Variants in UNC13C observed in about 807,000 individuals in gnomAD.
The protein encoded by UNC13C is unc-13 homolog C, also known as protein unc-13 homolog C.
In UNC13C, 174 loss-of-function variants were observed where a neutral mutation model predicts 245.4. The ratio of observed to expected loss-of-function variants is 0.71; its 90% confidence interval spans 0.63 to 0.80. UNC13C has a LOEUF of 0.80. Ranked by LOEUF, UNC13C falls within the 30% of genes least tolerant of loss-of-function variation. The pLI is 0.00. For missense variants in UNC13C, 2,829 were observed against 2,602.9 expected, an observed-to-expected ratio of 1.09 and a Z score of -1.89; for synonymous variants, 992 against 895.1, an observed-to-expected ratio of 1.11 and a Z score of -1.93.
chr15:54,265,522 C>A (rs1228512142), intron 10 of UNC13C, 26 bp downstream of exon 10: 2 of 1,430,948 alleles, frequency 1.4e-6, no homozygotes, highest in African/African-American at 1.4e-5. Context: ...GAAACCTTTA[C>A]AAATATTAAA....
At chr15:54,481,312 G>A (rs1377512066) in intron 19 of UNC13C, among the ~76,000 whole-genome samples, 1 of 152,128 alleles carries the variant, frequency 6.6e-6, no homozygotes, top group Non-Finnish European at 1.5e-5. Context: ...AGTGGTGCAT[G>A]CTGGAGCCAG....
At chr15:54,279,470 T>C (rs1329080130) in intron 10 of UNC13C, among the ~76,000 whole-genome samples, 1 of 152,222 alleles carries the variant, frequency 6.6e-6, no homozygotes, top group African/African-American at 2.4e-5. Flanking sequence ...TGTTTACTTT[T>C]GTGATTGCCT....
chr15:54,460,116 G>T (rs1891755065), intron 19 of UNC13C, among the ~76,000 whole-genome samples: 1 of 152,130 alleles, frequency 6.6e-6, no homozygotes, highest in African/African-American at 2.4e-5. Flanking sequence ...TCTCCCCCTA[G>T]GAATGGGGCT....
At chr15:54,336,789 G>A (rs2038588109) in intron 16 of UNC13C, among the ~76,000 whole-genome samples, 1 of 152,040 alleles carries the variant, frequency 6.6e-6, no homozygotes, top group Admixed American at 6.6e-5. Context: ...GACCATATAT[G>A]TATGGGTCTA....
chr15:54,236,311 T>C (rs2035698499), intron 5 of UNC13C, 119 bp from the exon 6 acceptor site: 1 of 759,176 alleles, frequency 1.3e-6, no homozygotes, highest in Admixed American at 2.2e-5. Flanking sequence ...AATTTCTGTC[T>C]TCACTATGTG....
the UNC13C span, among the ~76,000 whole-genome samples, chr15:53,969,456 GA>G: frequency 6.6e-6 from 1 of 152,070 alleles, no homozygotes; most frequent in Admixed American, 6.6e-5. Context: ...GCTGAGGCAG[GA>G]GGATTTCTTA....
the UNC13C span, among the ~76,000 whole-genome samples, chr15:53,881,034 G>T: frequency 1.3e-5 from 2 of 152,150 alleles, no homozygotes; most frequent in Non-Finnish European, 2.9e-5. Context: ...CTTGTCAAAT[G>T]CATCACAGTC....
intron 17 of UNC13C, among the ~76,000 whole-genome samples, chr15:54,372,827 A>G (rs1397426922): frequency 1.3e-5 from 2 of 152,230 alleles, no homozygotes; most frequent in Non-Finnish European, 2.9e-5. Flanking sequence ...AGCATTCTAT[A>G]CCTGCATTGC....
chr15:54,464,115 C>A (rs934848923), intron 19 of UNC13C, among the ~76,000 whole-genome samples: 1 of 152,122 alleles, frequency 6.6e-6, no homozygotes, highest in Non-Finnish European at 1.5e-5. Flanking sequence ...TTAAAAGTGC[C>A]TAGTTCTCCA....
At chr15:53,881,982 C>T in the UNC13C span, among the ~76,000 whole-genome samples, 1 of 152,042 alleles carries the variant, frequency 6.6e-6, no homozygotes, top group Non-Finnish European at 1.5e-5. Flanking sequence ...AAAAGAAAGG[C>T]CAGAAACAAG....
chr15:53,853,532 A>G, the UNC13C span, among the ~76,000 whole-genome samples: 1 of 152,116 alleles, frequency 6.6e-6, no homozygotes, highest in Non-Finnish European at 1.5e-5. Context: ...AATGGGTTAA[A>G]TGGTATTTCG....
At chr15:53,845,342 A>T in the UNC13C span, among the ~76,000 whole-genome samples, 1 of 147,250 alleles carries the variant, frequency 6.8e-6, no homozygotes, top group Non-Finnish European at 1.5e-5. Flanking sequence ...AAAAAAAATT[A>T]TAACAGAATG....
At chr15:54,436,762 A>G (rs182702654) in intron 19 of UNC13C, among the ~76,000 whole-genome samples, 1 of 152,012 alleles carries the variant, frequency 6.6e-6, no homozygotes, top group African/African-American at 2.4e-5. Flanking sequence ...GCAAACCACC[A>G]TGGCACGTGT....
intron 1 of UNC13C, among the ~76,000 whole-genome samples, chr15:54,000,991 G>A (rs561501647): frequency 1.3e-5 from 2 of 152,066 alleles, no homozygotes; most frequent in South Asian, 2.1e-4. Flanking sequence ...TTACTCTTTC[G>A]TAATGTGTGA....
intron 2 of UNC13C, among the ~76,000 whole-genome samples, chr15:54,069,225 C>G (rs1308635317): frequency 1.3e-5 from 2 of 152,124 alleles, no homozygotes; most frequent in Non-Finnish European, 2.9e-5. Flanking sequence ...TTAAGCAGCT[C>G]CAAGATGACC....
At chr15:54,629,438 T>A (rs1488659744), downstream of UNC13C, 1 of 151,998 alleles carries the variant, frequency 6.6e-6, no homozygotes, top group Non-Finnish European at 1.5e-5. Context: ...AAAATAAAAG[T>A]TTTTAAAAAA....
At chr15:54,457,790 T>C (rs927526732) in intron 19 of UNC13C, among the ~76,000 whole-genome samples, 1 of 151,978 alleles carries the variant, frequency 6.6e-6, no homozygotes, top group Non-Finnish European at 1.5e-5. Flanking sequence ...ATCTCACTAA[T>C]GATCTTTTGA....
In UNC13C at chr15:54,500,955, C is replaced by G. The variant is rs1316010643; in HGVS notation, c.5278C>G (p.His1760Asp). Residue 1760 changes from histidine (H) to aspartate (D), a missense_variant, in exon 22 of 33, where the codon CAC becomes GAC. By Grantham distance (81) the His-to-Asp change is moderately conservative. Transcript: ENST00000260323. ...ATGCCCTAATCCTGAAGCATTATCTCACTTAATGAGAAGATTTGCAAAGGT... is the reference window on the plus strand; with the variant it reads ...ATGCCCTAATCCTGAAGCATTATCTGACTTAATGAGAAGATTTGCAAAGGT... ...LECPNPEALS[H>D]LMRRFAKTIN... is the part of the protein sequence containing the mutation. 2.5e-6 allele frequency: 4 copies of G among 1,612,512 alleles called. No individual in the cohort carries two copies. The highest frequency in any genetic ancestry group is 3.4e-6 in the Non-Finnish European group (4 of 1,179,052).
intron 17 of UNC13C, among the ~76,000 whole-genome samples, chr15:54,379,203 G>GT (rs1403621690): frequency 2.0e-5 from 3 of 151,950 alleles, no homozygotes; most frequent in Non-Finnish European, 4.4e-5. Flanking sequence ...AATTTTAAAA[G>GT]TAATGTTTTA....
Sources: gnomAD v4.1 joint callset for allele counts (sites outside exome capture counted in the v4.1 genomes callset) on GRCh38, gnomAD v4.1.1 for gene constraint, MANE v1.5 for transcripts, NCBI Gene and HGNC (gene_info 2026-07-23, HGNC 2026-07-21) for gene names.